Variants in TAF5 observed in about 807,000 individuals in gnomAD.
TAF5 encodes transcription initiation factor TFIID subunit 5.
Under a neutral mutation model 80.9 loss-of-function variants are expected in TAF5, and 20 were observed. The ratio of observed to expected loss-of-function variants is 0.25; its 90% CI spans 0.17 to 0.36. The LOEUF (loss-of-function observed/expected upper bound fraction) is 0.36. Among genes scored for constraint, TAF5 ranks in the 10% least tolerant of loss-of-function variants. The pLI, the probability that TAF5 is intolerant of heterozygous loss-of-function variation, is 1.00. For missense variants in TAF5, 863 were observed against 1,029.4 expected (o/e 0.84, Z 2.21); for synonymous variants, 388 against 406.4 (o/e 0.95, Z 0.55).
chr10:103,388,733 G>C lies in TAF5; in HGVS notation c.*510G>C, dbSNP rs2093404097. On this transcript the variant is annotated 3_prime_UTR_variant, in exon 11 of 11. Coordinates refer to ENST00000369839, the MANE Select transcript of TAF5 (RefSeq NM_006951.5). ...TTAATGGAATGTATGTAACTAGGTA[G>C]GGTTCCTTTCTTAGATCTAGAGGAA... 6.5e-6 allele frequency: 1 copy of C among 153,216 alleles called. No individual in the cohort carries two copies. Among genetic ancestry groups the C allele is most frequent in the South Asian group, 2.1e-4 (1 of 4,862 alleles). The allele number at this position is 153,216 out of a possible 1,614,324, so 9.5% of individuals were successfully genotyped here.
chr10:103,368,607 C>T, intron 1 of TAF5, 59 bp downstream of exon 1: 2 of 1,433,858 alleles, frequency 1.4e-6, no homozygotes, highest in Non-Finnish European at 1.8e-6. Context: ...GCCGGTAAGG[C>T]AGGGGCTGGC....
intron 9 of TAF5, 60 bp from the exon 10 acceptor site, chr10:103,387,459 CTT>C: frequency 6.4e-7 from 1 of 1,552,166 alleles, no homozygotes; most frequent in Non-Finnish European, 8.7e-7. Flanking sequence ...TACTACAAAA[CTT>C]TAAAATTTTG....
At chr10:103,375,884 C>T (rs977526970) in intron 2 of TAF5, among the ~76,000 whole-genome samples, 1 of 151,906 alleles carries the variant, frequency 6.6e-6, no homozygotes, top group Non-Finnish European at 1.5e-5. Flanking sequence ...ATAACAAAAC[C>T]CTGTCTCTAC....
chr10:103,376,751 A>T (rs2093370994), intron 2 of TAF5, among the ~76,000 whole-genome samples: 1 of 152,176 alleles, frequency 6.6e-6, no homozygotes, highest in East Asian at 1.9e-4. Flanking sequence ...TACAAAAAGT[A>T]AACAAAAATT....
intron 1 of TAF5, among the ~76,000 whole-genome samples, chr10:103,368,920 ACTTTATTTTCT>A (rs2093352431): frequency 6.6e-6 from 1 of 152,002 alleles, no homozygotes; most frequent in African/African-American, 2.4e-5. Context: ...TACTGTAAGT[ACTTTATTTTCT>A]CTTTATTTCT....
At position 103,368,383 on chromosome 10, in the gene TAF5, G is replaced by A. The variant is rs2093350418; in HGVS notation, c.394G>A (p.Ala132Thr). 6.4e-7 allele frequency: 1 copy of A among 1,559,950 alleles called. No individual in the cohort carries two copies. Among genetic ancestry groups the A allele is most frequent in the Non-Finnish European group, 8.6e-7 (1 of 1,161,806 alleles). Residue 132 changes from alanine (A) to threonine (T), a missense_variant, in exon 1 of 11, where the codon GCC (alanine) becomes ACC (threonine). Ala to Thr is a moderately conservative substitution (Grantham distance 58, BLOSUM62 0). Around this residue, in one of 3 missense-constraint regions of TAF5, gnomAD observed 367 missense variants for 335.5 expected, o/e 1.09. Transcript: ENST00000369839. ...LLEEAVAGSG[A>T]PGEVDSAGAE... ...GGAGGAGGCAGTGGCGGGCTCCGGA[G>A]CCCCGGGAGAGGTGGACAGCGCCGG...
Position 103,368,224 on chromosome 10 carries a change from G to A in TAF5, c.235G>A (p.Ala79Thr). The change falls in exon 1 of 11, where the codon GCC (alanine) becomes ACC (threonine). Residue 79 changes from alanine (A) to threonine (T), a missense_variant. Coordinates refer to ENST00000369839, the MANE Select transcript of TAF5 (RefSeq NM_006951.5). ...CTCCGCCGCTGCCCCGGCGGGGGCG[G>A]CCCCGGTGCCCGCCGCTGCTCCGGA... Reference protein sequence around the residue: ...AVSAAAPAGAAPVPAAAPDAG... With the variant: ...AVSAAAPAGATPVPAAAPDAG... The A allele has an allele frequency of 5.6e-6, 8 of 1,436,640 alleles. No homozygotes were observed. The highest frequency in any genetic ancestry group is 2.8e-5 in the Admixed American group (1 of 35,246). The allele number at this position is 1,436,640 out of a possible 1,614,324, so 89.0% of individuals were successfully genotyped here. A position where few individuals can be genotyped will look rare whatever the true frequency, so the allele number is the denominator to read the frequency against.
chr10:103,372,633 G>A (rs2093362250), intron 1 of TAF5, among the ~76,000 whole-genome samples: 2 of 150,100 alleles, frequency 1.3e-5, no homozygotes, highest in Non-Finnish European at 1.5e-5. Context: ...CGCACCCGGC[G>A]GCTCATACTC....
chr10:103,387,355 A>G lies in TAF5; in HGVS notation c.2007+3A>G. ...TAAGGATCTTCACTGGACACAAGGT[A>G]TTTTACACTCTTACTATTCCAGCAT... On this transcript the variant is annotated splice_donor_region_variant and intron_variant, in intron 9 of 10. Transcript: ENST00000369839. 6.2e-7 allele frequency: 1 copy of G among 1,604,056 alleles called. No individual in the cohort carries two copies. Among genetic ancestry groups the G allele is most frequent in the Non-Finnish European group, 8.5e-7 (1 of 1,175,140 alleles).
intron 1 of TAF5, among the ~76,000 whole-genome samples, chr10:103,369,951 C>T (rs1351867078): frequency 6.6e-6 from 1 of 152,034 alleles, no homozygotes; most frequent in Non-Finnish European, 1.5e-5. Flanking sequence ...TTCGTATTGG[C>T]CGGGCGTCGT....
In TAF5 at chr10:103,368,597, G is replaced by C. The variant is rs773703239; in HGVS notation, c.559+49G>C. On this transcript the variant is annotated intron_variant, in intron 1 of 10. Transcript: ENST00000369839. Reference sequence around the variant, plus strand: ...GTACGGCCGCCGCGAAGGGGAGCAAGCCGGTAAGGCAGGGGCTGGCAGGCC... The same window carrying C: ...GTACGGCCGCCGCGAAGGGGAGCAACCCGGTAAGGCAGGGGCTGGCAGGCC... The C allele has an allele frequency of 4.6e-5, 67 of 1,447,758 alleles. No individual in the cohort carries two copies. In the Admixed American group the frequency reaches 1.8e-3, roughly 38 times the overall value. 89.7% of individuals were successfully genotyped at this position (1,447,758 alleles called of 1,614,324 possible). A position where few individuals can be genotyped will look rare whatever the true frequency, so the allele number is the denominator to read the frequency against.
rs769042293 is a variant in TAF5 at position 103,387,175 on chromosome 10, G to C, written c.1830G>C (p.Arg610=). 6.2e-7 allele frequency: 1 copy of C among 1,608,534 alleles called. No individual in the cohort carries two copies. ...FVSGGHDRVA[R]LWATDHYQPL... is the part of the protein sequence containing the mutation. The stretch of plus-strand genomic sequence containing the variant: ...TTTGCTTTCAATAACTTTATAAAAG[G>C]CTCTGGGCTACAGACCACTATCAGC... Residue 610 remains arginine (R), a splice_region_variant and synonymous_variant, in exon 9 of 11, where the codon CGG becomes CGC. Transcript: ENST00000369839.
At chr10:103,368,636 G>T in intron 1 of TAF5, 88 bp downstream of exon 1, 2 of 1,383,354 alleles carry the variant, frequency 1.4e-6, no homozygotes, top group South Asian at 3.3e-5. Context: ...ACCTCTGCGG[G>T]CTTGTTTTGA....
At position 103,368,478 on chromosome 10, in the gene TAF5, T is replaced by C; in HGVS notation, c.489T>C (p.Pro163=). ...CCCCTGGCCCTGCGGCCCCCGACCC[T>C]CCGGGCACTGGCGCTTCGGGGGCCA... ...ASAPGPAAPD[P]PGTGASGATV... The change falls in exon 1 of 11, where the codon CCT becomes CCC. Residue 163 remains proline, a synonymous_variant. Coordinates refer to ENST00000369839, the MANE Select transcript of TAF5 (RefSeq NM_006951.5). The C allele has an allele frequency of 6.4e-7, 1 of 1,573,084 alleles. No homozygotes were observed. Among genetic ancestry groups the C allele is most frequent in the Non-Finnish European group, 8.6e-7 (1 of 1,168,024 alleles).
chr10:103,386,990 T>A (rs1224512150), intron 8 of TAF5, among the ~76,000 whole-genome samples, 185 bp from the exon 9 acceptor site: 1 of 146,156 alleles, frequency 6.8e-6, no homozygotes, highest in Non-Finnish European at 1.5e-5. Context: ...AAAAAAAAAA[T>A]TGTACCAGAT....
intron 7 of TAF5, 111 bp downstream of exon 7, chr10:103,383,478 A>T (rs2093387891): frequency 4.6e-6 from 5 of 1,079,816 alleles, no homozygotes; most frequent in Non-Finnish European, 6.3e-6. Flanking sequence ...TAAAAATCTC[A>T]TGGTTGTCTG....
chr10:103,368,982 ATT>A (rs34262432), intron 1 of TAF5, among the ~76,000 whole-genome samples: 6 of 146,146 alleles, frequency 4.1e-5, no homozygotes, highest in Admixed American at 6.8e-5. Context: ...TACTTTATAG[ATT>A]TTTTTTTTTT....
intron 1 of TAF5, among the ~76,000 whole-genome samples, chr10:103,370,833 T>A (rs2093357959): frequency 6.6e-6 from 1 of 152,252 alleles, no homozygotes; most frequent in South Asian, 2.1e-4. Flanking sequence ...TGCAGAGCTT[T>A]TAGCCAAATT....
rs1035275436 is a variant in TAF5 at position 103,374,553 on chromosome 10, C to G, written c.797+958C>G. On this transcript the variant is annotated intron_variant, in intron 2 of 10. Coordinates refer to ENST00000369839, the MANE Select transcript of TAF5 (RefSeq NM_006951.5). The surrounding 1 kb of genome is among the most constrained non-coding windows in gnomAD (Gnocchi z 4.3). The stretch of plus-strand genomic sequence containing the variant: ...GGGAAATAAGAAATGTAGTCTTTAC[C>G]TAAGTGTCTATGTGCCCAGCTGATA... Among the ~76,000 whole-genome samples, 6 of 152,190 alleles carry G rather than the reference C, an allele frequency of 3.9e-5. No individual in the cohort carries two copies. The highest frequency in any genetic ancestry group is 8.8e-5 in the Non-Finnish European group (6 of 68,044).
Sources: gnomAD v4.1 joint callset for allele counts (sites outside exome capture counted in the v4.1 genomes callset) on GRCh38, gnomAD v4.1.1 for gene constraint, gnomAD v4.1.1 regional missense constraint, Gnocchi (gnomAD v3.1) non-coding constraint, MANE v1.5 for transcripts, NCBI Gene and HGNC (gene_info 2026-07-23, HGNC 2026-07-21) for gene names.